The following FANCC variants were observed in gnomAD, a reference collection of about 807,000 sequenced individuals.
FANCC encodes the protein Fanconi anemia group C protein.
Under a neutral mutation model 71.3 loss-of-function variants are expected in FANCC, and 55 were observed. That is an observed-to-expected ratio of 0.77 (90% CI 0.62 to 0.97). FANCC has a LOEUF of 0.97. Ranked by LOEUF, FANCC falls within the 50% of genes least tolerant of loss-of-function variation. FANCC has a pLI of 0.00. For missense variants in FANCC, 678 were observed against 670.9 expected (o/e 1.01, Z -0.12); for synonymous variants, 275 against 244.9 (o/e 1.12, Z -1.15).
At chr9:95,202,934 T>C (rs1057284908) in intron 4 of FANCC, among the ~76,000 whole-genome samples, 2 of 152,214 alleles carry the variant, frequency 1.3e-5, no homozygotes, top group African/African-American at 4.8e-5. Flanking sequence ...TAATCTACAA[T>C]GTTTGTTAAA....
chr9:95,266,963 G>C (rs1211716621), intron 1 of FANCC, among the ~76,000 whole-genome samples: 1 of 152,108 alleles, frequency 6.6e-6, no homozygotes, highest in Non-Finnish European at 1.5e-5. Flanking sequence ...ACAGCAATGA[G>C]AGGGGAAACA....
intron 1 of FANCC, among the ~76,000 whole-genome samples, chr9:95,258,927 A>G (rs1831841352): frequency 6.6e-6 from 1 of 152,144 alleles, no homozygotes; most frequent in Non-Finnish European, 1.5e-5. Flanking sequence ...TCATGAGTGA[A>G]CTCCCATTCA....
intron 1 of FANCC, among the ~76,000 whole-genome samples, chr9:95,303,560 A>G (rs1834883437): frequency 6.6e-6 from 1 of 152,220 alleles, no homozygotes; most frequent in African/African-American, 2.4e-5. Flanking sequence ...GAGGCTGTAA[A>G]GTCCACAATC....
chr9:95,292,761 GA>G (rs1441048784), intron 1 of FANCC: 1 of 1,459,710 alleles, frequency 6.9e-7, no homozygotes, highest in African/African-American at 1.4e-5. Flanking sequence ...CAGAGGCCCT[GA>G]CAGACCATTT....
intron 4 of FANCC, among the ~76,000 whole-genome samples, chr9:95,193,584 T>C (rs2135753478): frequency 6.6e-6 from 1 of 152,254 alleles, no homozygotes; most frequent in South Asian, 2.1e-4. Flanking sequence ...GAGTTATGCT[T>C]TACAAAAATT....
chr9:95,257,162 A>C (rs1357405862), intron 1 of FANCC, among the ~76,000 whole-genome samples: 1 of 152,206 alleles, frequency 6.6e-6, no homozygotes, highest in Admixed American at 6.5e-5. Flanking sequence ...CAGGATTTGA[A>C]CTCAGCTCTG....
Position 95,178,950 on chromosome 9 carries a change from G to A in FANCC, c.346-6803C>T, listed in dbSNP as rs900720642. Reference sequence around the variant, plus strand: ...TCTGTCACTTACTTTATAAGACATCGACTTCCAAATCTGTGGTGTTTTTAA... The same window carrying A: ...TCTGTCACTTACTTTATAAGACATCAACTTCCAAATCTGTGGTGTTTTTAA... On this transcript the variant is annotated intron_variant, in intron 4 of 14. Transcript: ENST00000289081. 3.3e-5 allele frequency among the ~76,000 whole-genome samples: 5 copies of A among 152,252 alleles called. No homozygotes were observed. In the South Asian group the frequency reaches 6.2e-4, roughly 19 times the overall value.
chr9:95,140,313 A>G (rs1828444083), intron 7 of FANCC, among the ~76,000 whole-genome samples: 2 of 152,254 alleles, frequency 1.3e-5, no homozygotes, highest in South Asian at 2.1e-4. Flanking sequence ...CTTCCAAAAG[A>G]CACCTCCTTG....
At chr9:95,130,279 A>G (rs1826687090) in intron 8 of FANCC, among the ~76,000 whole-genome samples, 1 of 149,310 alleles carries the variant, frequency 6.7e-6, no homozygotes, top group Non-Finnish European at 1.5e-5. Flanking sequence ...TCATTTGCTG[A>G]TTCTGTGTGT....
intron 1 of FANCC, among the ~76,000 whole-genome samples, chr9:95,252,269 T>C (rs570147811): frequency 1.3e-5 from 1 of 76,242 alleles, no homozygotes. Context: ...AAAGTGAGAC[T>C]GATTCAAAAA....
intron 1 of FANCC, among the ~76,000 whole-genome samples, chr9:95,300,731 A>G (rs1170995565): frequency 6.6e-6 from 1 of 152,206 alleles, no homozygotes; most frequent in Non-Finnish European, 1.5e-5. Context: ...ATATGTGGTT[A>G]TCCCACCCTG....
At chr9:95,300,808 T>TCAA (rs569044614) in intron 1 of FANCC, among the ~76,000 whole-genome samples, 104 of 152,166 alleles carry the variant, frequency 6.8e-4, no homozygotes, top group African/African-American at 2.4e-3. Flanking sequence ...AGGACCACCA[T>TCAA]CATTTACACT....
At chr9:95,252,072 G>GT (rs912772921) in intron 1 of FANCC, among the ~76,000 whole-genome samples, 7 of 152,076 alleles carry the variant, frequency 4.6e-5, no homozygotes, top group African/African-American at 1.7e-4. Context: ...GAGGTCAGGA[G>GT]TTTGAGACCA....
intron 6 of FANCC, among the ~76,000 whole-genome samples, chr9:95,165,982 T>C (rs1224668772): frequency 6.6e-6 from 1 of 152,050 alleles, no homozygotes; most frequent in African/African-American, 2.4e-5. Flanking sequence ...ATTGTAATTG[T>C]TGTATCTCCC....
intron 1 of FANCC, among the ~76,000 whole-genome samples, chr9:95,271,805 T>A (rs1832739278): frequency 1.3e-5 from 2 of 151,564 alleles, no homozygotes; most frequent in African/African-American, 4.8e-5. Context: ...AAATCCCCAA[T>A]GAAAAATATT....
At chr9:95,116,227 G>A (rs188234825) in intron 11 of FANCC, among the ~76,000 whole-genome samples, 2 of 152,320 alleles carry the variant, frequency 1.3e-5, no homozygotes, top group East Asian at 1.9e-4. Flanking sequence ...GCTGACTTTA[G>A]GCTTTGCTGA....
intron 6 of FANCC, among the ~76,000 whole-genome samples, chr9:95,152,291 T>C: frequency 6.6e-6 from 1 of 152,192 alleles, no homozygotes; most frequent in East Asian, 1.9e-4. Context: ...AGGAACAATA[T>C]AATGCCAGAT....
chr9:95,294,234 T>G (rs1436625316), intron 1 of FANCC: 1 of 1,585,432 alleles, frequency 6.3e-7, no homozygotes, highest in Non-Finnish European at 8.7e-7. Flanking sequence ...CCCAGAACCC[T>G]GGAATCAATT....
intron 1 of FANCC, among the ~76,000 whole-genome samples, chr9:95,277,606 A>C (rs969654105): frequency 1.3e-5 from 2 of 152,194 alleles, no homozygotes; most frequent in South Asian, 4.1e-4. Context: ...GAGATCCACA[A>C]ACAAAAACAC....
Sources: gnomAD v4.1 joint callset for allele counts (sites outside exome capture counted in the v4.1 genomes callset) on GRCh38, gnomAD v4.1.1 for gene constraint, MANE v1.5 for transcripts, NCBI Gene and HGNC (gene_info 2026-07-23, HGNC 2026-07-21) for gene names.